ANKRD10: variants seen among roughly 807,000 people sequenced by gnomAD.
ANKRD10 encodes ankyrin repeat domain 10.
ANKRD10 carries 14 observed loss-of-function variants against 27.0 expected under a neutral mutation model. The ratio of observed to expected loss-of-function variants is 0.52; its 90% CI spans 0.34 to 0.81. The LOEUF is 0.81. ANKRD10 is among the 40% of genes least tolerant of loss of function. The pLI, the probability that ANKRD10 is intolerant of heterozygous loss-of-function variation, is 0.01. For missense variants in ANKRD10, 493 were observed against 544.0 expected (o/e 0.91, Z 0.93); for synonymous variants, 250 against 224.5 (o/e 1.11, Z -1.01).
chr13:110,914,683 G>T (rs766065454), intron 1 of ANKRD10, 42 bp downstream of exon 1: 1 of 1,530,978 alleles, frequency 6.5e-7, no homozygotes, highest in Admixed American at 2.0e-5. Flanking sequence ...GACTCCCACT[G>T]GACAGCCGGG....
At chr13:110,912,179 A>T (rs897968534) in intron 1 of ANKRD10, among the ~76,000 whole-genome samples, 1 of 152,206 alleles carries the variant, frequency 6.6e-6, no homozygotes, top group Non-Finnish European at 1.5e-5. Context: ...CCCTCACTCC[A>T]ATCACAATGC....
intron 4 of ANKRD10, among the ~76,000 whole-genome samples, chr13:110,891,850 A>G (rs1273533581): frequency 6.8e-6 from 1 of 147,426 alleles, no homozygotes; most frequent in Non-Finnish European, 1.5e-5. Context: ...CCAAGCTATC[A>G]CATTTACCTT....
chr13:110,906,127 G>A lies in ANKRD10; in HGVS notation c.364-3C>T. 2.5e-6 allele frequency: 4 copies of A among 1,592,054 alleles called. No individual in the cohort carries two copies. The South Asian group carries it at 4.5e-5, about 18-fold the overall frequency. ...ATGGGAGTTTCACCCTCACAATCCT[G>A]AAACAACAAAAAGCAAAATATACAC... is the stretch of plus-strand genomic sequence containing the variant. On this transcript the variant is annotated splice_region_variant and splice_polypyrimidine_tract_variant and intron_variant, in intron 2 of 5. Coordinates refer to ENST00000267339, the MANE Select transcript of ANKRD10 (RefSeq NM_017664.4).
intron 2 of ANKRD10, 41 bp from the exon 3 acceptor site, chr13:110,906,165 A>G: frequency 6.8e-7 from 1 of 1,477,916 alleles, no homozygotes; most frequent in Non-Finnish European, 9.2e-7. Flanking sequence ...ACTTAGAACA[A>G]AACTTCTGAC....
At chr13:110,903,296 C>T (rs968752879) in intron 3 of ANKRD10, among the ~76,000 whole-genome samples, 1 of 152,138 alleles carries the variant, frequency 6.6e-6, no homozygotes, top group African/African-American at 2.4e-5. Context: ...AGTACACAAA[C>T]ATTTAGTTTG....
chr13:110,902,053 A>G (rs1201099395), intron 3 of ANKRD10, among the ~76,000 whole-genome samples: 5 of 69,800 alleles, frequency 7.2e-5, no homozygotes, highest in Admixed American at 6.4e-4. Context: ...TTTTTAGAAA[A>G]AAAAAAAAAA....
At chr13:110,894,272 A>G in intron 3 of ANKRD10, 1 of 1,031,412 alleles carries the variant, frequency 9.7e-7, no homozygotes. Flanking sequence ...AACAGCAAAG[A>G]CAGCTTCCAT....
chr13:110,897,028 C>T (rs1433699988), intron 3 of ANKRD10, among the ~76,000 whole-genome samples: 1 of 152,044 alleles, frequency 6.6e-6, no homozygotes, highest in Non-Finnish European at 1.5e-5. Context: ...ACCTCAAACA[C>T]TTTCCATTTG....
chr13:110,904,587 C>T (rs1415569236), intron 3 of ANKRD10, among the ~76,000 whole-genome samples: 2 of 152,026 alleles, frequency 1.3e-5, no homozygotes, highest in Non-Finnish European at 1.5e-5. Flanking sequence ...GTTATGACTC[C>T]GTATTTTATA....
chr13:110,882,578 A>T (rs2064840228), intron 5 of ANKRD10, among the ~76,000 whole-genome samples: 1 of 152,242 alleles, frequency 6.6e-6, no homozygotes, highest in Non-Finnish European at 1.5e-5. Flanking sequence ...CTGCCTATTC[A>T]AAAGAAGGTA....
chr13:110,915,018 G>A lies in ANKRD10; in HGVS notation c.-84C>T, dbSNP rs4773273. The stretch of plus-strand genomic sequence containing the variant: ...GAGAAGCCGCCGCCGCAGCACAAAG[G>A]AACGAGACTAGCGCCGCGGTCGCGT... On this transcript the variant is annotated 5_prime_UTR_variant, in exon 1 of 6. Coordinates refer to ENST00000267339, the MANE Select transcript of ANKRD10 (RefSeq NM_017664.4). 4,078 of 1,467,724 alleles carry A rather than the reference G, an allele frequency of 2.8e-3. 220 individuals carry two copies. In the Admixed American group the frequency reaches 0.087, roughly 31 times the overall value. The allele number at this position is 1,467,724 out of a possible 1,614,324, so 90.9% of individuals were successfully genotyped here. A position where few individuals can be genotyped will look rare whatever the true frequency, so the allele number is the denominator to read the frequency against.
chr13:110,890,800 C>CA (rs1339392806), intron 4 of ANKRD10, among the ~76,000 whole-genome samples: 1 of 134,012 alleles, frequency 7.5e-6, no homozygotes, highest in African/African-American at 2.6e-5. Context: ...GGGAAGGCTG[C>CA]ATGGTGAGTT....
In ANKRD10 at chr13:110,906,027, A is replaced by C; in HGVS notation, c.455+6T>G. The C allele has an allele frequency of 6.3e-7, 1 of 1,586,822 alleles. No individual in the cohort carries two copies. The highest frequency in any genetic ancestry group is 8.6e-7 in the Non-Finnish European group (1 of 1,163,656). ...TAGCTGGAAAGAATAAACGAAAGAC[A>C]CTTACTCGACGTGAGCCCCATTCGC... is the stretch of plus-strand genomic sequence containing the variant. On this transcript the variant is annotated splice_donor_region_variant and intron_variant, in intron 3 of 5. Coordinates refer to ENST00000267339, the MANE Select transcript of ANKRD10 (RefSeq NM_017664.4).
chr13:110,878,721 A>G lies in ANKRD10; in HGVS notation c.*916T>C, dbSNP rs1404259317. The G allele has an allele frequency of 6.5e-6, 1 of 152,680 alleles. No individual in the cohort carries two copies. The highest frequency in any genetic ancestry group is 2.1e-4 in the South Asian group (1 of 4,836). The allele number at this position is 152,680 out of a possible 1,614,324, so 9.5% of individuals were successfully genotyped here. On this transcript the variant is annotated 3_prime_UTR_variant, in exon 6 of 6. Coordinates refer to ENST00000267339, the MANE Select transcript of ANKRD10 (RefSeq NM_017664.4). ...AGTATAACCACTAGTTGCCTAGACA[A>G]AAGCTAATTTCTACAAAATCAAAAA...
In ANKRD10 at chr13:110,883,799, C is replaced by G. The variant is rs200153441; in HGVS notation, c.692-6G>C. 1.1e-4 allele frequency: 183 copies of G among 1,606,600 alleles called. No individual in the cohort carries two copies. Among genetic ancestry groups the G allele is most frequent in the Admixed American group, 4.2e-4 (25 of 59,726 alleles). ...GGCAGAATCCAAGCTTTGAGCTGCA[C>G]AGAAAACAAAGACTATTTCAGATTC... On this transcript the variant is annotated splice_region_variant and splice_polypyrimidine_tract_variant and intron_variant, in intron 4 of 5. Coordinates refer to ENST00000267339, the MANE Select transcript of ANKRD10 (RefSeq NM_017664.4).
At chr13:110,882,160 G>A (rs1021213594) in intron 5 of ANKRD10, among the ~76,000 whole-genome samples, 4 of 152,144 alleles carry the variant, frequency 2.6e-5, no homozygotes, top group African/African-American at 9.7e-5. Flanking sequence ...TGACCCTCCC[G>A]AGTCTCAAAC....
At chr13:110,892,436 A>AAAAAAAAAAAAAAAAAAAAAAAT (rs1555321016) in intron 4 of ANKRD10, among the ~76,000 whole-genome samples, 2 of 144,470 alleles carry the variant, frequency 1.4e-5, no homozygotes, top group Non-Finnish European at 3.1e-5. Context: ...AAAAAAAAAA[A>AAAAAAAAAAAAAAAAAAAAAAAT]TGGTGGGAGA....
intron 4 of ANKRD10, among the ~76,000 whole-genome samples, chr13:110,888,884 AAGTC>A (rs1272839388): frequency 6.6e-6 from 1 of 152,218 alleles, no homozygotes; most frequent in Non-Finnish European, 1.5e-5. Context: ...CCGAGCTGTG[AAGTC>A]AGTTTGACAC....
intron 1 of ANKRD10, among the ~76,000 whole-genome samples, chr13:110,912,080 A>G (rs1288236090): frequency 6.6e-6 from 1 of 152,220 alleles, no homozygotes; most frequent in South Asian, 2.1e-4. Context: ...GGCTAAAATA[A>G]TTTAGCGCAT....
Sources: allele counts gnomAD v4.1 joint callset (sites outside exome capture counted in the v4.1 genomes callset), GRCh38; gene constraint gnomAD v4.1.1; transcripts MANE v1.5; gene names NCBI Gene and HGNC (gene_info 2026-07-23, HGNC 2026-07-21).